HCRTR1: variants seen among roughly 807,000 people sequenced by gnomAD.
The protein encoded by HCRTR1 is orexin/Hypocretin receptor type 1.
In HCRTR1, 28 loss-of-function variants were observed where a neutral mutation model predicts 40.6. The observed-to-expected ratio is 0.69, with a 90% CI of 0.51 to 0.95. The LOEUF is 0.95. Ranked by LOEUF, HCRTR1 falls within the 40% of genes least tolerant of loss-of-function variation. HCRTR1 has a pLI of 0.00. For synonymous variants in HCRTR1, 209 were observed against 230.0 expected, an observed-to-expected ratio of 0.91 and a Z score of 0.83; for missense variants, 482 against 564.7, an observed-to-expected ratio of 0.85 and a Z score of 1.48.
In HCRTR1 at chr1:31,619,179, C is replaced by T. The variant is rs201662274; in HGVS notation, c.-14C>T. 38 of 1,605,048 alleles carry T rather than the reference C, an allele frequency of 2.4e-5. No individual in the cohort carries two copies. Among genetic ancestry groups the T allele is most frequent in the African/African-American group, 4.0e-5 (3 of 74,826 alleles). On this transcript the variant is annotated 5_prime_UTR_variant, in exon 3 of 9. Coordinates refer to ENST00000403528, the MANE Select transcript of HCRTR1 (RefSeq NM_001525.3). ...AGCCTAGGATGCCCCTCTGCTGCAG[C>T]GGCTCCTGAGCTCATGGAGCCCTCA...
At position 31,625,634 on chromosome 1, in the gene HCRTR1, G is replaced by C. The variant is rs1639961449; in HGVS notation, c.1087+516G>C. On this transcript the variant is annotated intron_variant, in intron 8 of 8. Coordinates refer to ENST00000403528, the MANE Select transcript of HCRTR1 (RefSeq NM_001525.3). This position sits in a 1 kb window ranked among gnomAD's most constrained non-coding sequence, Gnocchi z 4.2. ...CTGGCAGAGTGACCGGAATCTCAGG[G>C]GTTGTCCCCTCTGGAAGTCTTCCTC... is the stretch of plus-strand genomic sequence containing the variant. 6.6e-6 allele frequency among the ~76,000 whole-genome samples: 1 copy of C among 152,138 alleles called. No individual in the cohort carries two copies.
downstream of HCRTR1, chr1:31,633,427 T>C: frequency 1.7e-6 from 2 of 1,169,042 alleles, no homozygotes; most frequent in Middle Eastern, 3.0e-4. Flanking sequence ...TCACCTTCCC[T>C]GTCTTCCATC....
chr1:31,634,449 AATGAG>A (rs1350965706), downstream of HCRTR1, among the ~76,000 whole-genome samples: 3 of 152,236 alleles, frequency 2.0e-5, no homozygotes, highest in East Asian at 1.9e-4. Context: ...GTGATGATTA[AATGAG>A]ATAACAGCAA....
chr1:31,619,553 A>C lies in HCRTR1; in HGVS notation c.221A>C (p.Asn74Thr). The C allele has an allele frequency of 6.2e-7, 1 of 1,614,020 alleles. No individual in the cohort carries two copies. The highest frequency in any genetic ancestry group is 8.5e-7 in the Non-Finnish European group (1 of 1,179,976). Residue 74 changes from asparagine (N) to threonine (T), a missense_variant, in exon 4 of 9, where the codon AAC (asparagine) becomes ACC (threonine). Asn to Thr is a moderately conservative substitution (Grantham distance 65, BLOSUM62 0). Transcript: ENST00000403528. ...NTLVCLAVWR[N>T]HHMRTVTNYF... ...GCAGTCTGCCTGGCCGTGTGGCGGA[A>C]CCACCACATGAGGACAGTCACCAAC...
Position 31,619,087 on chromosome 1 carries a change from A to G in HCRTR1, c.-106A>G, listed in dbSNP as rs1042326277. The G allele has an allele frequency of 6.7e-6, 6 of 893,744 alleles. No homozygotes were observed. In the African/African-American group the frequency reaches 8.3e-5, roughly 12 times the overall value. 55.4% of individuals were successfully genotyped at this position (893,744 alleles called of 1,614,324 possible). On this transcript the variant is annotated 5_prime_UTR_variant, in exon 3 of 9. Coordinates refer to ENST00000403528, the MANE Select transcript of HCRTR1 (RefSeq NM_001525.3). ...CTGAGACCCGAAAAGACCTGGGTGC[A>G]AGCCTCCAGGCACCCTGAAGGGAGT...
At position 31,626,681 on chromosome 1, in the gene HCRTR1, C is replaced by CCCCCCCCCCAAAG; in HGVS notation, c.1088-109_1088-108insCCCCCCCCCAAAG. The CCCCCCCCCCAAAG allele has an allele frequency of 8.2e-7, 1 of 1,222,318 alleles. No individual in the cohort carries two copies. The highest frequency in any genetic ancestry group is 1.1e-6 in the Non-Finnish European group (1 of 894,098). The allele number at this position is 1,222,318 out of a possible 1,614,324, so 75.7% of individuals were successfully genotyped here. A position where few individuals can be genotyped will look rare whatever the true frequency, so the allele number is the denominator to read the frequency against. ...CCAGCTCTATCCCTCCCTCCCTCCC[C>CCCCCCCCCCAAAG]GCCCCCTCATAGGCAGCTTGGCTGG... On this transcript the variant is annotated intron_variant, in intron 8 of 8. Transcript: ENST00000403528. The surrounding 1 kb of genome is among the most constrained non-coding windows in gnomAD (Gnocchi z 4.6).
Position 31,620,963 on chromosome 1 carries a change from G to A in HCRTR1, c.499G>A (p.Gly167Ser), listed in dbSNP as rs144603792. 3.3e-3 allele frequency: 5,247 copies of A among 1,614,078 alleles called. 16 individuals carry two copies. Among genetic ancestry groups the A allele is most frequent in the Non-Finnish European group, 3.8e-3 (4,428 of 1,180,034 alleles). Reference protein sequence around the residue: ...TARRARGSILGIWAVSLAIMV... With the variant: ...TARRARGSILSIWAVSLAIMV... The stretch of plus-strand genomic sequence containing the variant: ...CCGGCGGGCCCGTGGCTCCATCCTG[G>A]GCATCTGGGCTGTGTCGCTGGCCAT... Residue 167 changes from glycine to serine, a missense_variant, in exon 5 of 9, where the codon GGC becomes AGC. By Grantham distance (56) the Gly-to-Ser change is moderately conservative. Transcript: ENST00000403528.
chr1:31,619,626 C>T lies in HCRTR1; in HGVS notation c.294C>T (p.Ile98=). The T allele has an allele frequency of 1.2e-6, 2 of 1,614,060 alleles. No homozygotes were observed. Among genetic ancestry groups the T allele is most frequent in the Non-Finnish European group, 1.7e-6 (2 of 1,179,978 alleles). ...TGGCTGACGTTCTGGTGACTGCTATCTGCCTGCCGGCCAGCCTGCTGGTGG... is the reference window on the plus strand; with the variant it reads ...TGGCTGACGTTCTGGTGACTGCTATTTGCCTGCCGGCCAGCCTGCTGGTGG... ...LSLADVLVTA[I]CLPASLLVDI... Residue 98 remains isoleucine (I), a synonymous_variant, in exon 4 of 9, where the codon ATC becomes ATT. Coordinates refer to ENST00000403528, the MANE Select transcript of HCRTR1 (RefSeq NM_001525.3).
At chr1:31,622,414 G>C (rs1284490148) in intron 6 of HCRTR1, among the ~76,000 whole-genome samples, 1 of 151,966 alleles carries the variant, frequency 6.6e-6, no homozygotes, top group Non-Finnish European at 1.5e-5. Context: ...TGGGGACACG[G>C]ACTGGCTGTG....
At chr1:31,620,746 T>G (rs1318972174) in intron 4 of HCRTR1, 97 bp from the exon 5 acceptor site, 1 of 1,481,790 alleles carries the variant, frequency 6.7e-7, no homozygotes, top group Non-Finnish European at 9.1e-7. Flanking sequence ...AGTCAGGATT[T>G]GCACTGCCCT....
intron 7 of HCRTR1, 121 bp downstream of exon 7, chr1:31,623,870 T>A (rs1481954084): frequency 5.8e-6 from 4 of 687,542 alleles, no homozygotes; most frequent in African/African-American, 1.8e-5. Flanking sequence ...GGCAGGCCAT[T>A]TCTCTTCTCT....
chr1:31,623,555 C>A lies in HCRTR1; in HGVS notation c.771C>A (p.Asn257Lys). Residue 257 changes from asparagine to lysine, a missense_variant, in exon 7 of 9, where the codon AAC becomes AAA. By Grantham distance (94) the Asn-to-Lys change is moderately conservative (BLOSUM62 0). Coordinates refer to ENST00000403528, the MANE Select transcript of HCRTR1 (RefSeq NM_001525.3). ...IPGTTSALVR[N>K]WKRPSDQLGD... is the part of the protein sequence containing the mutation. ...GCACCACCTCAGCACTGGTGCGGAA[C>A]TGGAAGCGCCCCTCAGACCAGCTGG... 1 of 1,613,370 alleles carries A rather than the reference C, an allele frequency of 6.2e-7. No individual in the cohort carries two copies. Among genetic ancestry groups the A allele is most frequent in the African/African-American group, 1.3e-5 (1 of 75,042 alleles).
intron 4 of HCRTR1, among the ~76,000 whole-genome samples, 167 bp from the exon 5 acceptor site, chr1:31,620,676 T>C (rs1639833173): frequency 6.6e-6 from 1 of 152,218 alleles, no homozygotes; most frequent in Middle Eastern, 3.2e-3. Flanking sequence ...TCCCATTCTG[T>C]AGACGAGGCT....
Position 31,625,195 on chromosome 1 carries a change from G to T in HCRTR1, c.1087+77G>T. On this transcript the variant is annotated intron_variant, in intron 8 of 8. Transcript: ENST00000403528. This position sits in a 1 kb window ranked among gnomAD's most constrained non-coding sequence, Gnocchi z 4.2. ...ACAAGTCTCCCCATCCCCAAGCCAGGGCCCAAATAAAGGATGGTGGGTGAG... is the reference window on the plus strand; with the variant it reads ...ACAAGTCTCCCCATCCCCAAGCCAGTGCCCAAATAAAGGATGGTGGGTGAG... 1 of 1,443,216 alleles carries T rather than the reference G, an allele frequency of 6.9e-7. No homozygotes were observed. The highest frequency in any genetic ancestry group is 1.4e-5 in the South Asian group (1 of 72,610). 89.4% of individuals were successfully genotyped at this position (1,443,216 alleles called of 1,614,324 possible).
At chr1:31,624,975 C>T (rs200056314) in intron 7 of HCRTR1, 22 bp from the exon 8 acceptor site, 13 of 1,572,108 alleles carry the variant, frequency 8.3e-6, no homozygotes, top group Middle Eastern at 3.4e-4. Context: ...CCATTTCTGA[C>T]GCTCCTCCAC....
chr1:31,617,737 C>G lies in HCRTR1; in HGVS notation c.-348C>G, dbSNP rs940407649. 4.6e-5 allele frequency: 7 copies of G among 152,086 alleles called. No homozygotes were observed. Among genetic ancestry groups the G allele is most frequent in the East Asian group, 2.0e-4 (1 of 5,124 alleles). The allele number at this position is 152,086 out of a possible 1,614,324, so 9.4% of individuals were successfully genotyped here. ...TCGTGCTGAGCCCCGCGAGCCGAGG[C>G]AGCGCAGCCTAGGGAGGGGGCTGCC... On this transcript the variant is annotated 5_prime_UTR_variant, in exon 1 of 9. Transcript: ENST00000403528.
At position 31,626,894 on chromosome 1, in the gene HCRTR1, A is replaced by G; in HGVS notation, c.1192A>G (p.Lys398Glu). 1 of 1,613,964 alleles carries G rather than the reference A, an allele frequency of 6.2e-7. No homozygotes were observed. The highest frequency in any genetic ancestry group is 8.5e-7 in the Non-Finnish European group (1 of 1,180,022). ...APSPRSSASH[K>E]SLSLQSRCSI... ...TAGTCCCCGCTCCTCTGCCAGCCAC[A>G]AGTCCTTGTCCTTGCAGAGCCGATG... Residue 398 changes from lysine (K) to glutamate (E), a missense_variant, in exon 9 of 9, where the codon AAG becomes GAG. Lys to Glu is a moderately conservative substitution (Grantham distance 56). Transcript: ENST00000403528. The surrounding 1 kb of genome is among the most constrained non-coding windows in gnomAD (Gnocchi z 4.6).
chr1:31,626,725 G>A lies in HCRTR1; in HGVS notation c.1088-65G>A. 7.4e-7 allele frequency: 1 copy of A among 1,343,028 alleles called. No homozygotes were observed. Among genetic ancestry groups the A allele is most frequent in the Non-Finnish European group, 9.9e-7 (1 of 1,014,508 alleles). The allele number at this position is 1,343,028 out of a possible 1,614,324, so 83.2% of individuals were successfully genotyped here. A position where few individuals can be genotyped will look rare whatever the true frequency, so the allele number is the denominator to read the frequency against. On this transcript the variant is annotated intron_variant, in intron 8 of 8. Coordinates refer to ENST00000403528, the MANE Select transcript of HCRTR1 (RefSeq NM_001525.3). The surrounding 1 kb of genome is among the most constrained non-coding windows in gnomAD (Gnocchi z 4.6). ...TGGCTGGAGCTGCGTGGGTGTCCCT[G>A]GGCTCAAGGCCCCTTCCTGCTGCAT... is the stretch of plus-strand genomic sequence containing the variant.
rs1448742634 is a variant in HCRTR1, at chr1:31,623,638, C to CTGAA, written c.855_858dup (p.Val287Ter). 6.2e-7 allele frequency: 1 copy of CTGAA among 1,614,036 alleles called. No homozygotes were observed. Among genetic ancestry groups the CTGAA allele is most frequent in the Admixed American group, 1.7e-5 (1 of 60,030 alleles). On this transcript the variant is annotated frameshift_variant, in exon 7 of 9. Transcript: ENST00000403528. LOFTEE classifies it high-confidence loss of function. Reference sequence around the variant, plus strand: ...CAGCCCCGGGCCCGCGCCTTCCTGGCTGAAGTGAAGCAGATGCGTGCACGG... The same window carrying CTGAA: ...CAGCCCCGGGCCCGCGCCTTCCTGGCTGAATGAAGTGAAGCAGATGCGTGCACGG...
Sources: gnomAD v4.1 joint callset for allele counts (sites outside exome capture counted in the v4.1 genomes callset) on GRCh38, gnomAD v4.1.1 for gene constraint, Gnocchi (gnomAD v3.1) non-coding constraint, MANE v1.5 for transcripts, NCBI Gene and HGNC (gene_info 2026-07-23, HGNC 2026-07-21) for gene names.